The following NRXN1 variants were observed in gnomAD, a reference collection of about 807,000 sequenced individuals.
NRXN1 encodes neurexin-1.
In NRXN1, 39 loss-of-function variants were observed where a neutral mutation model predicts 150.9. The observed-to-expected ratio is 0.26, with a 90% CI of 0.20 to 0.34. The LOEUF (loss-of-function observed/expected upper bound fraction) is 0.34. NRXN1 is among the 10% of genes least tolerant of loss of function. The pLI, the probability that NRXN1 is intolerant of heterozygous loss-of-function variation, is 1.00. For synonymous variants in NRXN1, 924 were observed against 757.0 expected, an observed-to-expected ratio of 1.22 and a Z score of -3.62; for missense variants, 1,815 against 1,949.9, an observed-to-expected ratio of 0.93 and a Z score of 1.30.
intron 19 of NRXN1, among the ~76,000 whole-genome samples, chr2:50,086,823 A>G (rs1485252067): frequency 4.2e-5 from 2 of 48,108 alleles, no homozygotes; most frequent in East Asian, 7.3e-4. Flanking sequence ...GAGAAGAATG[A>G]GAGAGAGAGA....
At chr2:50,562,798 T>C (rs555309470) in intron 8 of NRXN1, among the ~76,000 whole-genome samples, 1 of 152,272 alleles carries the variant, frequency 6.6e-6, no homozygotes, top group East Asian at 1.9e-4. Context: ...TATGAGATTC[T>C]ATGGCTGAGC....
chr2:51,009,563 TAA>T (rs1451919219), intron 2 of NRXN1, among the ~76,000 whole-genome samples: 1 of 151,848 alleles, frequency 6.6e-6, no homozygotes, highest in Non-Finnish European at 1.5e-5. Context: ...TTAGACAAAT[TAA>T]AGAGTCTACT....
intron 5 of NRXN1, among the ~76,000 whole-genome samples, chr2:50,838,726 A>G (rs1035427571): frequency 6.6e-6 from 1 of 152,096 alleles, no homozygotes; most frequent in South Asian, 2.1e-4. Context: ...ACCAAGGACC[A>G]CCAGGGAAAA....
At chr2:50,417,305 A>G (rs970858447) in intron 17 of NRXN1, 1 of 152,134 alleles carries the variant, frequency 6.6e-6, no homozygotes, top group Non-Finnish European at 1.5e-5. Context: ...GTTCAATTCA[A>G]TGTAGAAATA....
chr2:50,728,015 G>A (rs558204827), intron 5 of NRXN1, among the ~76,000 whole-genome samples: 28 of 152,202 alleles, frequency 1.8e-4, no homozygotes, highest in African/African-American at 6.7e-4. Flanking sequence ...ACTTATTATG[G>A]AAACAGAATC....
At chr2:50,877,572 T>C (rs1237840997) in intron 5 of NRXN1, among the ~76,000 whole-genome samples, 1 of 151,988 alleles carries the variant, frequency 6.6e-6, no homozygotes, top group Admixed American at 6.6e-5. Context: ...CTAAGTTATA[T>C]ACTTTAATTG....
intron 5 of NRXN1, among the ~76,000 whole-genome samples, chr2:50,834,345 T>C (rs1048008074): frequency 1.3e-5 from 2 of 152,120 alleles, no homozygotes; most frequent in Non-Finnish European, 2.9e-5. Flanking sequence ...GGTTTAGGAG[T>C]ACATTTTGGA....
chr2:50,992,725 G>C (rs1283798599), intron 2 of NRXN1, among the ~76,000 whole-genome samples: 1 of 151,908 alleles, frequency 6.6e-6, no homozygotes, highest in Non-Finnish European at 1.5e-5. Context: ...AACTCCGTTT[G>C]TTTTCTTACT....
At chr2:50,898,552 G>T in intron 5 of NRXN1, 1 of 471,872 alleles carries the variant, frequency 2.1e-6, no homozygotes, top group South Asian at 1.6e-5. Context: ...ATATCCGTAG[G>T]GAGGTAGAAA....
chr2:50,434,055 T>C (rs1289425459), intron 17 of NRXN1, among the ~76,000 whole-genome samples: 4 of 132,244 alleles, frequency 3.0e-5, no homozygotes, highest in Admixed American at 7.5e-5. Flanking sequence ...TTTTTTTTTT[T>C]TTTTTTTTTT....
intron 5 of NRXN1, among the ~76,000 whole-genome samples, chr2:50,875,710 T>A (rs1678479153): frequency 6.6e-6 from 1 of 151,780 alleles, no homozygotes; most frequent in African/African-American, 2.4e-5. Flanking sequence ...ACCAACAGCT[T>A]GATATCCAGG....
chr2:50,834,515 C>A (rs980553301), intron 5 of NRXN1, among the ~76,000 whole-genome samples: 1 of 151,984 alleles, frequency 6.6e-6, no homozygotes, highest in Non-Finnish European at 1.5e-5. Context: ...TGGAAAGTTA[C>A]CCTAAATGAT....
chr2:50,242,479 T>A (rs1361082201), intron 17 of NRXN1, among the ~76,000 whole-genome samples: 4 of 151,852 alleles, frequency 2.6e-5, no homozygotes, highest in South Asian at 2.1e-4. Flanking sequence ...TAAGGAATTA[T>A]TTCATGAAGC....
At chr2:49,992,853 G>A (rs58384284) in intron 21 of NRXN1, among the ~76,000 whole-genome samples, 70,937 of 151,980 alleles carry the variant, frequency 0.47, 17,209 homozygotes, top group Middle Eastern at 0.61. Flanking sequence ...TAAAACAACA[G>A]TAAGATATCA....
Position 50,538,577 on chromosome 2 carries a change from G to C in NRXN1, c.1819C>G (p.Leu607Val). The C allele has an allele frequency of 1.3e-6, 2 of 1,560,708 alleles. No individual in the cohort carries two copies. Among genetic ancestry groups the C allele is most frequent in the Non-Finnish European group, 1.7e-6 (2 of 1,152,050 alleles). ...AGGTACAACTCATCATCCAGGTCCA[G>C]AATCTCACTCTCACCAGGAGCAGTG... The part of the protein sequence containing the change: ...PYTAPGESEI[L>V]DLDDELYLGG... Residue 607 changes from leucine (L) to valine (V), a missense_variant, in exon 10 of 23, where the codon CTG becomes GTG. Leu to Val is a conservative substitution (Grantham distance 32). This residue lies in a region of NRXN1 where 638 missense variants were observed against 652.6 expected (regional missense o/e 0.98). Coordinates refer to ENST00000401669, the MANE Select transcript of NRXN1 (RefSeq NM_001330078.2).
intron 8 of NRXN1, among the ~76,000 whole-genome samples, chr2:50,563,904 G>A (rs570075978): frequency 5.7e-4 from 86 of 152,202 alleles, no homozygotes; most frequent in Non-Finnish European, 9.7e-4. Context: ...ATCCACCTAA[G>A]AGCCTGCAAA....
At chr2:50,126,400 T>A (rs1011785431) in intron 18 of NRXN1, among the ~76,000 whole-genome samples, 2 of 152,022 alleles carry the variant, frequency 1.3e-5, no homozygotes, top group Non-Finnish European at 2.9e-5. Flanking sequence ...AATAATCATA[T>A]TGGAACATAC....
At position 50,759,830 on chromosome 2, in the gene NRXN1, G is replaced by GTA. The variant is rs1376638567; in HGVS notation, c.833-136216_833-136215insTA. On this transcript the variant is annotated intron_variant, in intron 5 of 22. Coordinates refer to ENST00000401669, the MANE Select transcript of NRXN1 (RefSeq NM_001330078.2). Reference sequence around the variant, plus strand: ...AGCACTATCAATCTAACTAAGCTGTGTGTGTGTGTGTGTGTGTGTGTGTGT... The same window carrying GTA: ...AGCACTATCAATCTAACTAAGCTGTGTATGTGTGTGTGTGTGTGTGTGTGTGT... 2.2e-4 allele frequency among the ~76,000 whole-genome samples: 6 copies of GTA among 27,196 alleles called. No individual in the cohort carries two copies. In the East Asian group the frequency reaches 0.038, roughly 174 times the overall value. The allele number at this position is 27,196 out of a possible 152,430, so 17.8% of individuals were successfully genotyped here.
At chr2:50,730,452 T>A (rs1454696774) in intron 5 of NRXN1, among the ~76,000 whole-genome samples, 1 of 152,064 alleles carries the variant, frequency 6.6e-6, no homozygotes, top group African/African-American at 2.4e-5. Context: ...CTGAAAGAAA[T>A]GTGTTCCCTC....
Sources: allele counts gnomAD v4.1 joint callset (sites outside exome capture counted in the v4.1 genomes callset), GRCh38; gene constraint gnomAD v4.1.1; regional missense constraint gnomAD v4.1.1; transcripts MANE v1.5; gene names NCBI Gene and HGNC (gene_info 2026-07-23, HGNC 2026-07-21).